SCNN1B: variants seen among roughly 807,000 people sequenced by gnomAD.
SCNN1B encodes sodium channel epithelial 1 subunit beta.
SCNN1B carries 46 observed loss-of-function variants against 65.3 expected under a neutral mutation model. That is an observed-to-expected ratio of 0.70 (90% CI 0.56 to 0.90). The LOEUF (loss-of-function observed/expected upper bound fraction) is 0.90, where lower values mean the gene tolerates loss of function less well. Ranked by LOEUF, SCNN1B falls within the 40% of genes least tolerant of loss-of-function variation. SCNN1B has a pLI of 0.00. For synonymous variants in SCNN1B, 349 were observed against 330.6 expected (o/e 1.06, Z -0.60); for missense variants, 751 against 830.5 (o/e 0.90, Z 1.18).
At position 23,367,888 on chromosome 16, in the gene SCNN1B, G is replaced by A; in HGVS notation, c.809G>A (p.Gly270Asp). 1.2e-6 allele frequency: 2 copies of A among 1,614,184 alleles called. No individual in the cohort carries two copies. The highest frequency in any genetic ancestry group is 1.7e-6 in the Non-Finnish European group (2 of 1,180,008). Residue 270 changes from glycine to aspartate, a missense_variant, in exon 5 of 13, where the codon GGC becomes GAC. Physicochemically the swap from Gly to Asp is moderately conservative, Grantham distance 94. Transcript: ENST00000343070. ...NFTSIFYPHY[G>D]NCYIFNWGMT... ...ACGTCCATCTTCTACCCTCACTATGGCAACTGTTACATCTTCAACTGGGGC... is the reference window on the plus strand; with the variant it reads ...ACGTCCATCTTCTACCCTCACTATGACAACTGTTACATCTTCAACTGGGGC...
At chr16:23,355,019 T>C (rs1962388101) in intron 3 of SCNN1B, among the ~76,000 whole-genome samples, 1 of 152,056 alleles carries the variant, frequency 6.6e-6, no homozygotes, top group Non-Finnish European at 1.5e-5. Context: ...TTCCAAGAGG[T>C]TGCTGAGGGG....
intron 7 of SCNN1B, 136 bp downstream of exon 7, chr16:23,372,019 G>T: frequency 1.4e-6 from 1 of 722,968 alleles, no homozygotes; most frequent in South Asian, 1.5e-5. Flanking sequence ...GGGGCACCCC[G>T]GGCCTGTGGG....
chr16:23,377,393 C>T lies in SCNN1B; in HGVS notation c.1404+7C>T, dbSNP rs1485041245. ...GCCTTCTGAGGCCTCCGAGGTGAGA[C>T]AGTTGGGGGCCAAGCTCCTGGCTCC... is the stretch of plus-strand genomic sequence containing the variant. On this transcript the variant is annotated splice_region_variant and intron_variant, in intron 10 of 12. Coordinates refer to ENST00000343070, the MANE Select transcript of SCNN1B (RefSeq NM_000336.3). 114 of 1,613,860 alleles carry T rather than the reference C, an allele frequency of 7.1e-5. No individual in the cohort carries two copies. Among genetic ancestry groups the T allele is most frequent in the Non-Finnish European group, 9.4e-5 (111 of 1,179,826 alleles).
At chr16:23,377,817 C>T (rs1278912309) in intron 10 of SCNN1B, among the ~76,000 whole-genome samples, 1 of 149,930 alleles carries the variant, frequency 6.7e-6, no homozygotes, top group African/African-American at 2.5e-5. Flanking sequence ...TTCTTTCCTT[C>T]CACCAATATT....
chr16:23,356,492 T>C (rs766474468), intron 4 of SCNN1B, among the ~76,000 whole-genome samples: 1 of 151,964 alleles, frequency 6.6e-6, no homozygotes, highest in African/African-American at 2.4e-5. Flanking sequence ...GATATAGTCA[T>C]GCTCACCTGT....
At chr16:23,367,432 G>A (rs250564) in intron 4 of SCNN1B, among the ~76,000 whole-genome samples, 13 of 152,122 alleles carry the variant, frequency 8.5e-5, no homozygotes, top group Non-Finnish European at 1.9e-4. Context: ...AAGTAACTGG[G>A]ACTGCAGGCA....
At chr16:23,298,889 A>T (rs1190415347), upstream of SCNN1B, among the ~76,000 whole-genome samples, 1 of 152,196 alleles carries the variant, frequency 6.6e-6, no homozygotes, top group Non-Finnish European at 1.5e-5. Context: ...ATCATGACAC[A>T]GAATGAAGAT....
chr16:23,297,601 A>T (rs1323987685), upstream of SCNN1B, among the ~76,000 whole-genome samples: 3 of 152,190 alleles, frequency 2.0e-5, no homozygotes, highest in African/African-American at 7.2e-5. Context: ...ATAGCTCCCC[A>T]TCTGAACAAC....
At chr16:23,279,577 T>C (rs1343373352) in intron 1 of SCNN1B, among the ~76,000 whole-genome samples, 1 of 152,164 alleles carries the variant, frequency 6.6e-6, no homozygotes, top group Non-Finnish European at 1.5e-5. Context: ...CTGAAGAAAT[T>C]TGGGAGTCCT....
intron 1 of SCNN1B, among the ~76,000 whole-genome samples, chr16:23,282,686 G>A (rs114983637): frequency 1.3e-5 from 2 of 152,148 alleles, no homozygotes; most frequent in Admixed American, 1.3e-4. Context: ...CCACTAGTGT[G>A]CCATGTCAGT....
At chr16:23,352,749 C>G in intron 2 of SCNN1B, 52 bp from the exon 3 acceptor site, 1 of 1,604,496 alleles carries the variant, frequency 6.2e-7, no homozygotes. Context: ...TTCATTTGCT[C>G]TGCTTTACAG....
chr16:23,305,392 C>T (rs1379978468), intron 1 of SCNN1B, among the ~76,000 whole-genome samples: 1 of 150,680 alleles, frequency 6.6e-6, no homozygotes, highest in Non-Finnish European at 1.5e-5. Flanking sequence ...GTGGTTCACA[C>T]CTGTAATCCC....
At chr16:23,288,258 T>C (rs1402094632) in intron 2 of SCNN1B, among the ~76,000 whole-genome samples, 2 of 152,200 alleles carry the variant, frequency 1.3e-5, no homozygotes, top group African/African-American at 4.8e-5. Flanking sequence ...ATCAGTTATA[T>C]GACTACCCTC....
intron 1 of SCNN1B, among the ~76,000 whole-genome samples, chr16:23,279,237 G>A (rs1017771484): frequency 3.9e-5 from 6 of 152,008 alleles, no homozygotes; most frequent in Non-Finnish European, 7.4e-5. Flanking sequence ...CCACCACCAC[G>A]CCTGGCTAAT....
At chr16:23,328,332 TA>T (rs1961739579) in intron 1 of SCNN1B, among the ~76,000 whole-genome samples, 1 of 152,190 alleles carries the variant, frequency 6.6e-6, no homozygotes, top group African/African-American at 2.4e-5. Flanking sequence ...AGTAGATATT[TA>T]AGTAAAAAAC....
At chr16:23,299,353 C>G (rs986788704), upstream of SCNN1B, among the ~76,000 whole-genome samples, 2 of 152,128 alleles carry the variant, frequency 1.3e-5, no homozygotes, top group African/African-American at 4.8e-5. Context: ...AGCCACCCCG[C>G]CCAGCCGAAA....
At chr16:23,304,566 G>A (rs1961154945) in intron 1 of SCNN1B, among the ~76,000 whole-genome samples, 1 of 152,212 alleles carries the variant, frequency 6.6e-6, no homozygotes, top group African/African-American at 2.4e-5. Context: ...GCCAAACTCA[G>A]CCTCCAATAG....
rs1762238567 is a variant in SCNN1B, at chr16:23,348,706, A to G, written c.107A>G (p.His36Arg). The change falls in exon 2 of 13, where the codon CAC becomes CGC. Residue 36 changes from histidine to arginine, a missense_variant. His to Arg is a conservative substitution (Grantham distance 29). Coordinates refer to ENST00000343070, the MANE Select transcript of SCNN1B (RefSeq NM_000336.3). This position sits in a 1 kb window ranked among gnomAD's most constrained non-coding sequence, Gnocchi z 4.5. ...TGGTACTGCGACAACACCAACACCCACGGCCCCAAGCGCATCATCTGTGAG... is the reference window on the plus strand; with the variant it reads ...TGGTACTGCGACAACACCAACACCCGCGGCCCCAAGCGCATCATCTGTGAG... Reference protein sequence around the residue: ...LVWYCDNTNTHGPKRIICEGP... With the variant: ...LVWYCDNTNTRGPKRIICEGP... 1 of 1,614,118 alleles carries G rather than the reference A, an allele frequency of 6.2e-7. No individual in the cohort carries two copies.
chr16:23,281,824 T>G (rs1960788196), intron 1 of SCNN1B, among the ~76,000 whole-genome samples: 1 of 152,250 alleles, frequency 6.6e-6, no homozygotes, highest in African/African-American at 2.4e-5. Flanking sequence ...ATTCATTTAA[T>G]TGCTGTGTGA....
Sources: gnomAD v4.1 joint callset for allele counts (sites outside exome capture counted in the v4.1 genomes callset) on GRCh38, gnomAD v4.1.1 for gene constraint, Gnocchi (gnomAD v3.1) non-coding constraint, MANE v1.5 for transcripts, NCBI Gene and HGNC (gene_info 2026-07-23, HGNC 2026-07-21) for gene names.